The following CADM2 variants were observed in gnomAD, a reference collection of about 807,000 sequenced individuals.
The protein encoded by CADM2 is cell adhesion molecule 2.
CADM2 carries 12 observed loss-of-function variants against 49.8 expected under a neutral mutation model. The observed-to-expected ratio is 0.24, with a 90% CI of 0.15 to 0.39. CADM2 has a LOEUF of 0.39. Ranked by LOEUF, CADM2 falls within the 10% of genes least tolerant of loss-of-function variation. The pLI, the probability that CADM2 is intolerant of heterozygous loss-of-function variation, is 1.00. For missense variants in CADM2, 378 were observed against 492.3 expected, an observed-to-expected ratio of 0.77 and a Z score of 2.20; for synonymous variants, 214 against 175.4, an observed-to-expected ratio of 1.22 and a Z score of -1.74.
intron 8 of CADM2, among the ~76,000 whole-genome samples, chr3:86,024,825 T>G (rs1733680355): frequency 6.6e-6 from 1 of 151,892 alleles, no homozygotes; most frequent in Admixed American, 6.6e-5. Context: ...TAGTATAGAT[T>G]ATTAAGCTCC....
chr3:85,575,002 T>A (rs932212572), intron 1 of CADM2, among the ~76,000 whole-genome samples: 1 of 152,118 alleles, frequency 6.6e-6, no homozygotes, highest in South Asian at 2.1e-4. Context: ...AGTCACCTTT[T>A]TCTTTTTAAA....
chr3:85,731,729 T>A (rs1415059336), intron 2 of CADM2, among the ~76,000 whole-genome samples: 1 of 151,930 alleles, frequency 6.6e-6, no homozygotes, highest in African/African-American at 2.4e-5. Flanking sequence ...TTTCATCACC[T>A]TTAATATTAA....
intron 1 of CADM2, among the ~76,000 whole-genome samples, chr3:85,158,145 C>A (rs1183607882): frequency 6.6e-6 from 1 of 152,158 alleles, no homozygotes; most frequent in African/African-American, 2.4e-5. Flanking sequence ...AATGAGATAC[C>A]ATCTCACACC....
intron 1 of CADM2, among the ~76,000 whole-genome samples, chr3:85,457,576 A>G (rs1474009062): frequency 6.6e-6 from 1 of 152,152 alleles, no homozygotes; most frequent in Non-Finnish European, 1.5e-5. Flanking sequence ...CAAAAAGGGC[A>G]TCTAGTGATT....
intron 1 of CADM2, among the ~76,000 whole-genome samples, chr3:85,490,085 G>A (rs1187270773): frequency 4.6e-5 from 7 of 151,456 alleles, no homozygotes; most frequent in South Asian, 4.2e-4. Flanking sequence ...AGAGAACTTT[G>A]TAAAACATTA....
chr3:85,693,688 C>T (rs1322657564), intron 1 of CADM2, among the ~76,000 whole-genome samples: 1 of 140,912 alleles, frequency 7.1e-6, no homozygotes, highest in African/African-American at 2.7e-5. Context: ...GAGGTCGAGA[C>T]CATCATGGCC....
Position 85,354,826 on chromosome 3 carries a change from G to A in CADM2, c.62-371696G>A, listed in dbSNP as rs148593682. ...AAGACAAGAGTAAGCATTTCGAGGG[G>A]GTTATGAAAGGAACAGAAATTTATG... On this transcript the variant is annotated intron_variant, in intron 1 of 9. Coordinates refer to ENST00000383699, the MANE Select transcript of CADM2 (RefSeq NM_001167675.2). Among the ~76,000 whole-genome samples the A allele has an allele frequency of 3.5e-3, 528 of 152,100 alleles. 7 individuals carry two copies. The highest frequency in any genetic ancestry group is 0.011 in the African/African-American group (446 of 41,500).
intron 1 of CADM2, among the ~76,000 whole-genome samples, chr3:85,630,017 T>A (rs2064257741): frequency 6.6e-6 from 1 of 152,046 alleles, no homozygotes; most frequent in Non-Finnish European, 1.5e-5. Flanking sequence ...AGAGTTGACT[T>A]CATTATCTGT....
intron 1 of CADM2, among the ~76,000 whole-genome samples, chr3:84,972,412 A>AT (rs1191741120): frequency 6.6e-6 from 1 of 152,186 alleles, no homozygotes; most frequent in Non-Finnish European, 1.5e-5. Flanking sequence ...ATGTAAACAG[A>AT]TTTTTTATTG....
At chr3:85,432,029 A>C (rs528368020) in intron 1 of CADM2, among the ~76,000 whole-genome samples, 2 of 150,164 alleles carry the variant, frequency 1.3e-5, no homozygotes, top group Non-Finnish European at 3.0e-5. Flanking sequence ...TGGAAATAAA[A>C]CAGTGCCTAA....
intron 1 of CADM2, among the ~76,000 whole-genome samples, chr3:85,224,332 G>A (rs1269649122): frequency 6.6e-6 from 1 of 152,096 alleles, no homozygotes; most frequent in East Asian, 1.9e-4. Context: ...GTTTTGATGT[G>A]CATTTCTCTA....
chr3:85,307,264 G>T (rs1332971191), intron 1 of CADM2, among the ~76,000 whole-genome samples: 2 of 151,192 alleles, frequency 1.3e-5, no homozygotes, highest in African/African-American at 4.9e-5. Flanking sequence ...TGTTATGCTT[G>T]GTCATATTCT....
chr3:85,817,058 A>G (rs2073250999), intron 3 of CADM2, among the ~76,000 whole-genome samples: 1 of 152,226 alleles, frequency 6.6e-6, no homozygotes, highest in African/African-American at 2.4e-5. Flanking sequence ...TTCCTGATTT[A>G]TTATTTCCCT....
At chr3:85,586,326 G>A (rs952275981) in intron 1 of CADM2, among the ~76,000 whole-genome samples, 7 of 152,060 alleles carry the variant, frequency 4.6e-5, no homozygotes, top group African/African-American at 1.4e-4. Flanking sequence ...GCAATTCATA[G>A]CAAAAGCCTC....
At chr3:85,811,722 A>T (rs75617308) in intron 3 of CADM2, among the ~76,000 whole-genome samples, 15,635 of 152,214 alleles carry the variant, frequency 0.1, 919 homozygotes, top group South Asian at 0.12. Context: ...CGGTTGTGGC[A>T]GTAGAAGTGG....
chr3:86,015,610 C>T lies in CADM2; in HGVS notation c.971-49995C>T, dbSNP rs190833237. The stretch of plus-strand genomic sequence containing the variant: ...ATTACCGGAGAAAAGCTTGTGAGCT[C>T]GCCAAACAAGGATTTCAGTGCAGAT... On this transcript the variant is annotated intron_variant, in intron 8 of 9. Transcript: ENST00000383699. 1.6e-4 allele frequency among the ~76,000 whole-genome samples: 24 copies of T among 152,272 alleles called. No homozygotes were observed. In the East Asian group the frequency reaches 4.1e-3, roughly 26 times the overall value.
intron 1 of CADM2, among the ~76,000 whole-genome samples, chr3:85,159,118 G>T (rs1333689746): frequency 1.3e-5 from 2 of 152,056 alleles, no homozygotes; most frequent in African/African-American, 4.8e-5. Flanking sequence ...TTAATCATTT[G>T]CAAATTAATG....
At chr3:85,120,676 G>C (rs1313931323) in intron 1 of CADM2, among the ~76,000 whole-genome samples, 1 of 152,002 alleles carries the variant, frequency 6.6e-6, no homozygotes. Flanking sequence ...AGGGCCTCCT[G>C]GGGGGTAGGG....
At chr3:85,685,485 A>C (rs1035380751) in intron 1 of CADM2, among the ~76,000 whole-genome samples, 26 of 152,170 alleles carry the variant, frequency 1.7e-4, no homozygotes, top group African/African-American at 5.6e-4. Context: ...TATGTAGGAA[A>C]TCTTTGAACT....
Sources: allele counts gnomAD v4.1 joint callset (sites outside exome capture counted in the v4.1 genomes callset), GRCh38; gene constraint gnomAD v4.1.1; transcripts MANE v1.5; gene names NCBI Gene and HGNC (gene_info 2026-07-23, HGNC 2026-07-21).